CERCAM: variants seen among roughly 807,000 people sequenced by gnomAD.
CERCAM encodes the protein cerebral endothelial cell adhesion molecule, also known as inactive glycosyltransferase 25 family member 3.
In CERCAM, 59 loss-of-function variants were observed where a neutral mutation model predicts 66.0. That is an observed-to-expected ratio of 0.89 (90% CI 0.73 to 1.11). The LOEUF (loss-of-function observed/expected upper bound fraction) is 1.11. Ranked by LOEUF, CERCAM falls within the 50% of genes most tolerant of loss-of-function variation. The pLI is 0.00. For synonymous variants in CERCAM, 318 were observed against 343.6 expected (o/e 0.93, Z 0.83); for missense variants, 840 against 828.3 (o/e 1.01, Z -0.17).
Position 128,424,192 on chromosome 9 carries a change from G to A in CERCAM, c.481G>A (p.Gly161Arg), listed in dbSNP as rs1440185576. 1 of 1,614,050 alleles carries A rather than the reference G, an allele frequency of 6.2e-7. No individual in the cohort carries two copies. Among genetic ancestry groups the A allele is most frequent in the Admixed American group, 1.7e-5 (1 of 59,990 alleles). The stretch of plus-strand genomic sequence containing the variant: ...CAATCAGACTCTGCGGCTTCTCATG[G>A]GGCAGGGGCTTCCAGTGGTGGCCCC... Reference protein sequence around the residue: ...TNNQTLRLLMGQGLPVVAPML... With the variant: ...TNNQTLRLLMRQGLPVVAPML... Residue 161 changes from glycine to arginine, a missense_variant, in exon 4 of 13, where the codon GGG becomes AGG. Transcript: ENST00000372838.
chr9:128,424,486 T>C lies in CERCAM; in HGVS notation c.638T>C (p.Val213Ala), dbSNP rs752398987. The C allele has an allele frequency of 6.2e-7, 1 of 1,613,822 alleles. No individual in the cohort carries two copies. The highest frequency in any genetic ancestry group is 1.7e-5 in the Admixed American group (1 of 59,996). ...CGGGGCTGCTTCCGTGTCCCCATGG[T>C]CCACTCCACCTTCCTTGCATCCCTG... is the stretch of plus-strand genomic sequence containing the variant. ...QRRGCFRVPMVHSTFLASLRA... is the reference protein window; with the variant it reads ...QRRGCFRVPMAHSTFLASLRA... The change falls in exon 5 of 13, where the codon GTC (valine) becomes GCC (alanine). Residue 213 changes from valine to alanine, a missense_variant. Coordinates refer to ENST00000372838, the MANE Select transcript of CERCAM (RefSeq NM_016174.5).
In CERCAM at chr9:128,429,052, G is replaced by A. The variant is rs368328854; in HGVS notation, c.1070+16G>A. Reference sequence around the variant, plus strand: ...TGGATGGCTGGTGAGCCTGCCTGGTGGGGGGGGCCCTGTGCGCTTGGGGAA... The same window carrying A: ...TGGATGGCTGGTGAGCCTGCCTGGTAGGGGGGGCCCTGTGCGCTTGGGGAA... On this transcript the variant is annotated intron_variant, in intron 8 of 12. Coordinates refer to ENST00000372838, the MANE Select transcript of CERCAM (RefSeq NM_016174.5). The A allele has an allele frequency of 4.0e-4, 612 of 1,547,536 alleles. 4 individuals carry two copies. Among genetic ancestry groups the A allele is most frequent in the Middle Eastern group, 3.6e-4 (2 of 5,592 alleles).
chr9:128,421,547 G>C (rs1399877264), intron 1 of CERCAM: 3 of 986,032 alleles, frequency 3.0e-6, no homozygotes, highest in Non-Finnish European at 3.6e-6. Context: ...TCCGGGCTGT[G>C]CAGGGGAGTC....
At position 128,434,562 on chromosome 9, in the gene CERCAM, G is replaced by T. The variant is rs142520790; in HGVS notation, c.1484G>T (p.Arg495Leu). Residue 495 changes from arginine (R) to leucine (L), a missense_variant, in exon 11 of 13, where the codon CGC becomes CTC. By Grantham distance (102) the Arg-to-Leu change is moderately radical. Coordinates refer to ENST00000372838, the MANE Select transcript of CERCAM (RefSeq NM_016174.5). The surrounding 1 kb of genome is among the most constrained non-coding windows in gnomAD (Gnocchi z 4.5). ...RKLLASQPLR[R>L]MLPVDEFLPI... ...CTGCTGGCCTCACAGCCTCTGCGCC[G>T]CATGCTGCCCGTGGACGAGTTCCTG... is the stretch of plus-strand genomic sequence containing the variant. The T allele has an allele frequency of 2.5e-6, 4 of 1,611,630 alleles. No individual in the cohort carries two copies. Among genetic ancestry groups the T allele is most frequent in the Non-Finnish European group, 3.4e-6 (4 of 1,179,930 alleles).
chr9:128,419,201 C>G (rs1833655900), upstream of CERCAM: 1 of 152,286 alleles, frequency 6.6e-6, no homozygotes, highest in Non-Finnish European at 1.5e-5. Flanking sequence ...AGCTGCCACC[C>G]GATCCTGGTG....
At chr9:128,424,339 C>G (rs1178237246) in intron 4 of CERCAM, 67 bp downstream of exon 4, 1 of 1,611,910 alleles carries the variant, frequency 6.2e-7, no homozygotes, top group South Asian at 1.1e-5. Flanking sequence ...GAGCAGAGAG[C>G]CTGAGGCCTT....
In CERCAM at chr9:128,421,068, C is replaced by A; in HGVS notation, c.191C>A (p.Ala64Asp). The change falls in exon 1 of 13, where the codon GCC (alanine) becomes GAC (aspartate). Residue 64 changes from alanine (A) to aspartate (D), a missense_variant. By Grantham distance (126) the Ala-to-Asp change is moderately radical. Coordinates refer to ENST00000372838, the MANE Select transcript of CERCAM (RefSeq NM_016174.5). ...CTGGACTACCCCCGGGCCAGGATGG[C>A]CCTCTGGTGAGAGACCCGGGCATTG... Reference protein sequence around the residue: ...ERLDYPRARMALWCATDHNVD... With the variant: ...ERLDYPRARMDLWCATDHNVD... 2.3e-6 allele frequency: 3 copies of A among 1,316,240 alleles called. No individual in the cohort carries two copies. Among genetic ancestry groups the A allele is most frequent in the South Asian group, 4.0e-5 (2 of 49,540 alleles). The allele number at this position is 1,316,240 out of a possible 1,614,324, so 81.5% of individuals were successfully genotyped here.
At position 128,434,134 on chromosome 9, in the gene CERCAM, G is replaced by A; in HGVS notation, c.1236G>A (p.Val412=). 6.2e-7 allele frequency: 1 copy of A among 1,614,198 alleles called. No homozygotes were observed. Among genetic ancestry groups the A allele is most frequent in the Non-Finnish European group, 8.5e-7 (1 of 1,180,024 alleles). ...VVARGLARVL[V]FEDDVRFESN... is the part of the protein sequence containing the mutation. ...CCAGGGGCCTGGCCCGGGTCCTGGT[G>A]TTTGAGGATGACGTGCGCTTTGAGA... The change falls in exon 10 of 13, where the codon GTG becomes GTA. Residue 412 remains valine (V), a synonymous_variant. Coordinates refer to ENST00000372838, the MANE Select transcript of CERCAM (RefSeq NM_016174.5). This position sits in a 1 kb window ranked among gnomAD's most constrained non-coding sequence, Gnocchi z 4.5.
chr9:128,431,285 T>A lies in CERCAM; in HGVS notation c.1185T>A (p.His395Gln), dbSNP rs753844591. The change falls in exon 9 of 13, where the codon CAT becomes CAA. Residue 395 changes from histidine to glutamine, a missense_variant. Coordinates refer to ENST00000372838, the MANE Select transcript of CERCAM (RefSeq NM_016174.5). ...GCGAGGTGGGCTGCTTCCTCAGCCA[T>A]TACTCCATCTGGGAAGAGGTGAGGG... ...TKGEVGCFLSHYSIWEEVVAR... is the reference protein window; with the variant it reads ...TKGEVGCFLSQYSIWEEVVAR... The A allele has an allele frequency of 6.2e-7, 1 of 1,614,072 alleles. No individual in the cohort carries two copies. Among genetic ancestry groups the A allele is most frequent in the South Asian group, 1.1e-5 (1 of 91,088 alleles).
At chr9:128,425,124 T>C (rs1465070979) in intron 5 of CERCAM, among the ~76,000 whole-genome samples, 4 of 150,586 alleles carry the variant, frequency 2.7e-5, no homozygotes, top group Non-Finnish European at 5.9e-5. Flanking sequence ...GTGGCCGATC[T>C]TGGCTCACTG....
chr9:128,420,774 C>T, upstream of CERCAM: 1 of 350,494 alleles, frequency 2.9e-6, no homozygotes, highest in Non-Finnish European at 4.7e-6. This position sits in a 1 kb window ranked among gnomAD's most constrained non-coding sequence, Gnocchi z 5.0. Context: ...ACTGCCCCGC[C>T]CTCTCCGGGT....
At chr9:128,421,142 C>A in intron 1 of CERCAM, 68 bp downstream of exon 1, 2 of 1,260,522 alleles carry the variant, frequency 1.6e-6, no homozygotes, top group South Asian at 2.9e-5. Flanking sequence ...CCCCCGCCCC[C>A]GGCGGCCCTG....
At chr9:128,426,065 A>G (rs1365966791) in intron 5 of CERCAM, among the ~76,000 whole-genome samples, 1 of 151,942 alleles carries the variant, frequency 6.6e-6, no homozygotes, top group Non-Finnish European at 1.5e-5. Flanking sequence ...CAGCCTCCCA[A>G]AGTGCTACAA....
Position 128,420,963 on chromosome 9 carries a change from C to A in CERCAM, c.86C>A (p.Pro29Gln). The A allele has an allele frequency of 6.8e-7, 1 of 1,466,086 alleles. No individual in the cohort carries two copies. Among genetic ancestry groups the A allele is most frequent in the South Asian group, 1.3e-5 (1 of 76,536 alleles). 90.8% of individuals were successfully genotyped at this position (1,466,086 alleles called of 1,614,324 possible). A position where few individuals can be genotyped will look rare whatever the true frequency, so the allele number is the denominator to read the frequency against. Residue 29 changes from proline to glutamine, a missense_variant, in exon 1 of 13, where the codon CCG (proline) becomes CAG (glutamine). By Grantham distance (76) the Pro-to-Gln change is moderately conservative. Coordinates refer to ENST00000372838, the MANE Select transcript of CERCAM (RefSeq NM_016174.5). The surrounding 1 kb of genome is among the most constrained non-coding windows in gnomAD (Gnocchi z 5.0). ...GAGGCTGCGGGCGTTGCGGAGTCGCCGCTGCCCGCCGTGGTCCTTGCCATC... is the reference window on the plus strand; with the variant it reads ...GAGGCTGCGGGCGTTGCGGAGTCGCAGCTGCCCGCCGTGGTCCTTGCCATC... ...WLEAAGVAES[P>Q]LPAVVLAILA...
intron 12 of CERCAM, among the ~76,000 whole-genome samples, chr9:128,436,396 C>T (rs1834115403): frequency 6.6e-6 from 1 of 152,164 alleles, no homozygotes; most frequent in Non-Finnish European, 1.5e-5. Flanking sequence ...TACAGGCGCC[C>T]ACCACCACGT....
Position 128,434,164 on chromosome 9 carries a change from C to G in CERCAM, c.1266C>G (p.Asn422Lys). The G allele has an allele frequency of 6.2e-7, 1 of 1,614,176 alleles. No individual in the cohort carries two copies. The highest frequency in any genetic ancestry group is 8.5e-7 in the Non-Finnish European group (1 of 1,180,020). ...VFEDDVRFES[N>K]FRGRLERLME... is the part of the protein sequence containing the mutation. ...AGGATGACGTGCGCTTTGAGAGCAA[C>G]TTCAGGGGGCGGCTGGAGCGGCTGA... Residue 422 changes from asparagine (N) to lysine (K), a missense_variant, in exon 10 of 13, where the codon AAC (asparagine) becomes AAG (lysine). Coordinates refer to ENST00000372838, the MANE Select transcript of CERCAM (RefSeq NM_016174.5). This position sits in a 1 kb window ranked among gnomAD's most constrained non-coding sequence, Gnocchi z 4.5.
intron 1 of CERCAM, chr9:128,421,623 G>C: frequency 1.3e-6 from 1 of 748,440 alleles, no homozygotes; most frequent in Non-Finnish European, 1.6e-6. Flanking sequence ...TAGAGGGGCG[G>C]GATCCTGTCA....
Position 128,434,707 on chromosome 9 carries a change from G to C in CERCAM, c.1535+94G>C. 1 of 1,285,064 alleles carries C rather than the reference G, an allele frequency of 7.8e-7. No homozygotes were observed. The highest frequency in any genetic ancestry group is 1.1e-6 in the Non-Finnish European group (1 of 932,148). 79.6% of individuals were successfully genotyped at this position (1,285,064 alleles called of 1,614,324 possible). On this transcript the variant is annotated intron_variant, in intron 11 of 12. Transcript: ENST00000372838. The surrounding 1 kb of genome is among the most constrained non-coding windows in gnomAD (Gnocchi z 4.5). ...CAGGAAGTCCCCTCACCTGGCAGAT[G>C]GGGAGACTGGGACTGGCAAGGCCAA...
rs148628855 is a variant in CERCAM at position 128,434,150 on chromosome 9, C to T, written c.1252C>T (p.Arg418Cys). 2,682 of 1,614,108 alleles carry T rather than the reference C, an allele frequency of 1.7e-3. 8 individuals carry two copies. The highest frequency in any genetic ancestry group is 1.9e-3 in the Non-Finnish European group (2,273 of 1,180,006). The stretch of plus-strand genomic sequence containing the variant: ...GGTCCTGGTGTTTGAGGATGACGTG[C>T]GCTTTGAGAGCAACTTCAGGGGGCG... ...ARVLVFEDDV[R>C]FESNFRGRLE... is the part of the protein sequence containing the mutation. The change falls in exon 10 of 13, where the codon CGC (arginine) becomes TGC (cysteine). Residue 418 changes from arginine to cysteine, a missense_variant. Physicochemically the swap from Arg to Cys is radical, Grantham distance 180. Transcript: ENST00000372838. This position sits in a 1 kb window ranked among gnomAD's most constrained non-coding sequence, Gnocchi z 4.5.
Sources: allele counts gnomAD v4.1 joint callset (sites outside exome capture counted in the v4.1 genomes callset), GRCh38; gene constraint gnomAD v4.1.1; non-coding constraint Gnocchi (gnomAD v3.1); transcripts MANE v1.5; gene names NCBI Gene and HGNC (gene_info 2026-07-23, HGNC 2026-07-21).